TENM3: variants seen among roughly 807,000 people sequenced by gnomAD.
TENM3 encodes the protein teneurin-3.
Under a neutral mutation model 255.1 loss-of-function variants are expected in TENM3, and 63 were observed. The ratio of observed to expected loss-of-function variants is 0.25; its 90% CI spans 0.20 to 0.30. The LOEUF (loss-of-function observed/expected upper bound fraction) is 0.30, where lower values mean the gene tolerates loss of function less well. Ranked by LOEUF, TENM3 falls within the 10% of genes least tolerant of loss-of-function variation. The probability of loss-of-function intolerance (pLI) is 1.00; values close to 1 mark genes in which losing one functional copy is unlikely to be tolerated. For missense variants in TENM3, 2,929 were observed against 3,461.1 expected, an observed-to-expected ratio of 0.85 and a Z score of 3.86; for synonymous variants, 1,306 against 1,322.3, an observed-to-expected ratio of 0.99 and a Z score of 0.27.
At chr4:181,830,540 TGA>T in the TENM3 span, among the ~76,000 whole-genome samples, 4 of 152,186 alleles carry the variant, frequency 2.6e-5, no homozygotes, top group Non-Finnish European at 5.9e-5. Context: ...CCCAAGGTGC[TGA>T]GAGTACAGGC....
chr4:182,719,050 G>A (rs1364978663), intron 13 of TENM3, among the ~76,000 whole-genome samples: 2 of 152,176 alleles, frequency 1.3e-5, no homozygotes, highest in East Asian at 1.9e-4. Flanking sequence ...TTGCGTCCCT[G>A]TCTGGTCCTC....
At chr4:181,964,299 G>A in the TENM3 span, among the ~76,000 whole-genome samples, 1 of 152,098 alleles carries the variant, frequency 6.6e-6, no homozygotes, top group East Asian at 1.9e-4. Flanking sequence ...GACTTAGGGT[G>A]TCAAAAAGAT....
the TENM3 span, among the ~76,000 whole-genome samples, chr4:181,467,091 G>GTATATATATA: frequency 6.2e-5 from 4 of 64,882 alleles, no homozygotes; most frequent in African/African-American, 3.5e-4. Flanking sequence ...GTGCGTGTGT[G>GTATATATATA]TGTGTGTGTG....
chr4:181,817,590 A>G, the TENM3 span, among the ~76,000 whole-genome samples: 1 of 152,178 alleles, frequency 6.6e-6, no homozygotes, highest in African/African-American at 2.4e-5. Context: ...ATGTAACAGT[A>G]TTGGGAGGTG....
intron 1 of TENM3, among the ~76,000 whole-genome samples, chr4:182,299,962 C>T (rs1761751037): frequency 6.6e-6 from 1 of 150,740 alleles, no homozygotes; most frequent in Non-Finnish European, 1.5e-5. Flanking sequence ...GTCGCCCAGG[C>T]TGGAGTGCAG....
chr4:182,178,665 A>C (rs987605587), intron 1 of TENM3, among the ~76,000 whole-genome samples: 1 of 152,164 alleles, frequency 6.6e-6, no homozygotes, highest in South Asian at 2.1e-4. Context: ...AAATTAAGTC[A>C]AACTCCTTAC....
intron 6 of TENM3, among the ~76,000 whole-genome samples, chr4:182,671,008 C>A (rs1385556661): frequency 6.6e-6 from 1 of 152,082 alleles, no homozygotes; most frequent in Non-Finnish European, 1.5e-5. Context: ...TACAAGAAAT[C>A]ACTAGCATAA....
chr4:181,564,837 C>T, the TENM3 span, among the ~76,000 whole-genome samples: 7 of 152,126 alleles, frequency 4.6e-5, no homozygotes, highest in Admixed American at 2.6e-4. Context: ...TGGCATTAGG[C>T]AGTTTCACCT....
At chr4:181,960,340 A>G in the TENM3 span, among the ~76,000 whole-genome samples, 3 of 152,208 alleles carry the variant, frequency 2.0e-5, no homozygotes, top group Non-Finnish European at 4.4e-5. Flanking sequence ...TAATTTTTCA[A>G]GATAATTTTA....
intron 4 of TENM3, among the ~76,000 whole-genome samples, chr4:182,618,622 T>TA (rs199546448): frequency 0.4 from 57,623 of 144,240 alleles, 12,784 homozygotes; most frequent in South Asian, 0.53. Flanking sequence ...ACATGGGGTT[T>TA]AAAAAAAAAA....
chr4:181,566,542 T>G, the TENM3 span, among the ~76,000 whole-genome samples: 1 of 152,068 alleles, frequency 6.6e-6, no homozygotes, highest in Non-Finnish European at 1.5e-5. Context: ...TTCCCACCCT[T>G]CTCAGAGGGG....
intron 27 of TENM3, among the ~76,000 whole-genome samples, chr4:182,797,252 C>G (rs899508960): frequency 6.6e-6 from 1 of 152,024 alleles, no homozygotes; most frequent in Admixed American, 6.6e-5. Flanking sequence ...CCAGCCTGAC[C>G]AACATGGAGA....
At position 182,377,425 on chromosome 4, in the gene TENM3, T is replaced by C. The variant is rs573253853; in HGVS notation, c.511+30496T>C. ...ACCTCCTGGGTTCAAGCGATTCTCG[T>C]GCCTCAGCCTTGCGAATAGCTGGTA... On this transcript the variant is annotated intron_variant, in intron 3 of 27. Coordinates refer to ENST00000511685, the MANE Select transcript of TENM3 (RefSeq NM_001080477.4). 2.6e-5 allele frequency among the ~76,000 whole-genome samples: 4 copies of C among 152,282 alleles called. No individual in the cohort carries two copies. In the South Asian group the frequency reaches 8.3e-4, roughly 32 times the overall value.
the TENM3 span, among the ~76,000 whole-genome samples, chr4:181,457,991 C>G: frequency 6.6e-6 from 1 of 151,848 alleles, no homozygotes; most frequent in African/African-American, 2.4e-5. Context: ...TTGCTTGATA[C>G]TGTATGTGTT....
At chr4:182,189,124 C>T (rs1753348932) in intron 1 of TENM3, among the ~76,000 whole-genome samples, 1 of 151,444 alleles carries the variant, frequency 6.6e-6, no homozygotes, top group South Asian at 2.1e-4. Flanking sequence ...TTTTTGTATT[C>T]ACTGAAATTT....
chr4:182,674,671 G>T (rs537875350), intron 7 of TENM3, among the ~76,000 whole-genome samples: 1 of 152,182 alleles, frequency 6.6e-6, no homozygotes, highest in East Asian at 1.9e-4. Context: ...AACCTCCTCG[G>T]CTCAGGTGAT....
intron 1 of TENM3, among the ~76,000 whole-genome samples, chr4:182,272,910 C>T (rs1379004150): frequency 6.6e-6 from 1 of 152,024 alleles, no homozygotes; most frequent in Admixed American, 6.6e-5. Context: ...ATCAGAGACT[C>T]GTAGGTACCT....
chr4:182,762,110 A>G (rs1763245094), intron 22 of TENM3, among the ~76,000 whole-genome samples: 1 of 152,246 alleles, frequency 6.6e-6, no homozygotes, highest in Admixed American at 6.5e-5. Context: ...TTACTCAAAA[A>G]ATTGCACAAA....
the TENM3 span, among the ~76,000 whole-genome samples, chr4:181,807,458 A>G: frequency 2.7e-4 from 41 of 152,222 alleles, no homozygotes; most frequent in Admixed American, 1.7e-3. Flanking sequence ...GGTTCAAGTG[A>G]TTCTCCTGCC....
Sources: gnomAD v4.1 joint callset for allele counts (sites outside exome capture counted in the v4.1 genomes callset) on GRCh38, gnomAD v4.1.1 for gene constraint, MANE v1.5 for transcripts, NCBI Gene and HGNC (gene_info 2026-07-23, HGNC 2026-07-21) for gene names.